The following THSD4 variants were observed in gnomAD, a reference collection of about 807,000 sequenced individuals.
The protein encoded by THSD4 is thrombospondin type 1 domain containing 4.
A neutral mutation model predicts 119.0 loss-of-function variants in THSD4; 69 were observed. That is an observed-to-expected ratio of 0.58 (90% CI 0.48 to 0.71). THSD4 has a LOEUF of 0.71. THSD4 is among the 30% of genes least tolerant of loss of function. The probability of loss-of-function intolerance (pLI) is 0.00; values close to 1 mark genes in which losing one functional copy is unlikely to be tolerated. For synonymous variants in THSD4, 524 were observed against 540.4 expected (o/e 0.97, Z 0.42); for missense variants, 1,393 against 1,391.1 (o/e 1.00, Z -0.02).
At chr15:71,554,685 C>T (rs2048990808) in intron 7 of THSD4, among the ~76,000 whole-genome samples, 1 of 151,896 alleles carries the variant, frequency 6.6e-6, no homozygotes, top group African/African-American at 2.4e-5. Context: ...TGTGAGCCAC[C>T]ACACCCAGCC....
At chr15:71,467,787 G>A (rs931858600) in intron 7 of THSD4, among the ~76,000 whole-genome samples, 16 of 152,182 alleles carry the variant, frequency 1.1e-4, no homozygotes, top group Non-Finnish European at 2.4e-4. Context: ...TGAATCATAG[G>A]GGCGGGTCTT....
rs181060930 is a variant in THSD4, at chr15:71,371,682, A to C, written c.1016-40005A>C. The stretch of plus-strand genomic sequence containing the variant: ...CTGATGGGCTTCCCTTTGTGGGTAA[A>C]CCGACCTTTCTCTCTGGCTGCCCTT... On this transcript the variant is annotated intron_variant, in intron 6 of 17. Coordinates refer to ENST00000261862, the MANE Select transcript of THSD4 (RefSeq NM_024817.3). 4.7e-3 allele frequency among the ~76,000 whole-genome samples: 722 copies of C among 152,194 alleles called. 4 individuals are homozygous for C. The highest frequency in any genetic ancestry group is 7.4e-3 in the Non-Finnish European group (504 of 68,014).
At chr15:71,104,614 G>A (rs1451686277) in intron 1 of THSD4, among the ~76,000 whole-genome samples, 1 of 151,794 alleles carries the variant, frequency 6.6e-6, no homozygotes, top group Non-Finnish European at 1.5e-5. Context: ...TGTGTCTGTG[G>A]CAGTCAGATT....
chr15:71,646,266 C>T (rs1023486381), intron 7 of THSD4, among the ~76,000 whole-genome samples: 2 of 151,998 alleles, frequency 1.3e-5, no homozygotes, highest in African/African-American at 4.8e-5. Flanking sequence ...CTCTGCACAC[C>T]TCTCTGAATA....
At chr15:71,191,904 C>CTTCT (rs1226696248) in intron 3 of THSD4, among the ~76,000 whole-genome samples, 3 of 142,454 alleles carry the variant, frequency 2.1e-5, no homozygotes, top group Non-Finnish European at 3.0e-5. Context: ...TCTTCTTCTT[C>CTTCT]TTTTTTTTTT....
chr15:71,775,705 C>T (rs140672632), intron 17 of THSD4, among the ~76,000 whole-genome samples: 1,718 of 151,686 alleles, frequency 0.011, 27 homozygotes, highest in African/African-American at 0.039. Context: ...AGCGAGACTC[C>T]GTCTCAAAAA....
Position 71,771,108 on chromosome 15 carries a change from G to T in THSD4, c.2814G>T (p.Arg938=). ...CQGGFRVREV[R]CLSDDMTLSN... ...GTGGCTTTCGGGTCCGGGAAGTGCG[G>T]TGTCTGTCTGATGACATGACTCTAA... The change falls in exon 17 of 18, where the codon CGG becomes CGT. Residue 938 remains arginine, a synonymous_variant. Coordinates refer to ENST00000261862, the MANE Select transcript of THSD4 (RefSeq NM_024817.3). The T allele has an allele frequency of 6.2e-7, 1 of 1,614,220 alleles. No homozygotes were observed. The highest frequency in any genetic ancestry group is 8.5e-7 in the Non-Finnish European group (1 of 1,180,038).
chr15:71,511,932 C>A (rs1339513828), intron 7 of THSD4, among the ~76,000 whole-genome samples: 1 of 152,024 alleles, frequency 6.6e-6, no homozygotes, highest in Non-Finnish European at 1.5e-5. Context: ...TATTGGCAAC[C>A]CTAGGGAGGG....
At chr15:71,191,934 A>C in intron 3 of THSD4, among the ~76,000 whole-genome samples, 3 of 139,366 alleles carry the variant, frequency 2.2e-5, no homozygotes, top group South Asian at 2.2e-4. Flanking sequence ...ATGGAATCTC[A>C]CTCTGTCACC....
chr15:71,501,476 T>A (rs1175253793), intron 7 of THSD4, among the ~76,000 whole-genome samples: 2 of 152,206 alleles, frequency 1.3e-5, no homozygotes, highest in African/African-American at 4.8e-5. Flanking sequence ...TCCCCTCCCT[T>A]TCTGTTCTCC....
At chr15:71,152,574 C>G (rs907232961) in intron 2 of THSD4, among the ~76,000 whole-genome samples, 1 of 152,144 alleles carries the variant, frequency 6.6e-6, no homozygotes, top group Non-Finnish European at 1.5e-5. Context: ...TTGGTTGGTT[C>G]CTTCACACTC....
At chr15:71,547,344 A>C (rs2048852250) in intron 7 of THSD4, 1 of 1,544,968 alleles carries the variant, frequency 6.5e-7, no homozygotes, top group African/African-American at 1.4e-5. Flanking sequence ...ACACAAGTGC[A>C]TCTGCTAGCT....
chr15:71,411,943 A>C, intron 7 of THSD4, 120 bp downstream of exon 7: 2 of 1,330,416 alleles, frequency 1.5e-6, no homozygotes, highest in Non-Finnish European at 2.1e-6. Flanking sequence ...GGGCCACTCA[A>C]CCATGCGCTC....
At chr15:71,339,806 C>T (rs941444451) in intron 6 of THSD4, among the ~76,000 whole-genome samples, 8 of 152,012 alleles carry the variant, frequency 5.3e-5, no homozygotes, top group African/African-American at 1.9e-4. Flanking sequence ...ACTCTGTCAC[C>T]CAGGCTAGAG....
chr15:71,504,653 T>G (rs2048161895), intron 7 of THSD4, among the ~76,000 whole-genome samples: 1 of 152,218 alleles, frequency 6.6e-6, no homozygotes, highest in Admixed American at 6.5e-5. Flanking sequence ...GTTGCAAAGA[T>G]AGTAGAGAGA....
chr15:71,583,897 T>C (rs971853586), intron 7 of THSD4, among the ~76,000 whole-genome samples: 23 of 152,194 alleles, frequency 1.5e-4, no homozygotes, highest in African/African-American at 5.5e-4. Flanking sequence ...GGTAGAATGT[T>C]CTGCACATGT....
intron 7 of THSD4, among the ~76,000 whole-genome samples, chr15:71,532,883 G>C (rs78843212): frequency 0.011 from 1,746 of 152,324 alleles, 41 homozygotes; most frequent in African/African-American, 0.04. Context: ...GGTTGGCTCT[G>C]TCATTTTCCC....
intron 7 of THSD4, among the ~76,000 whole-genome samples, chr15:71,517,177 T>C (rs905777653): frequency 1.3e-5 from 2 of 152,238 alleles, no homozygotes; most frequent in African/African-American, 4.8e-5. Context: ...TTTCTTTCAT[T>C]GACCACTGTC....
At chr15:71,229,075 T>C (rs1195483154) in intron 4 of THSD4, among the ~76,000 whole-genome samples, 1 of 152,234 alleles carries the variant, frequency 6.6e-6, no homozygotes, top group Non-Finnish European at 1.5e-5. Flanking sequence ...GGGAATTTGG[T>C]ATTTAAAAGC....
Sources: allele counts gnomAD v4.1 joint callset (sites outside exome capture counted in the v4.1 genomes callset), GRCh38; gene constraint gnomAD v4.1.1; transcripts MANE v1.5; gene names NCBI Gene and HGNC (gene_info 2026-07-23, HGNC 2026-07-21).